Variants in CDH13 observed in about 807,000 individuals in gnomAD.
CDH13 encodes the protein cadherin 13.
A neutral mutation model predicts 63.8 loss-of-function variants in CDH13; 24 were observed. The observed-to-expected ratio is 0.38, with a 90% CI of 0.27 to 0.53. The LOEUF (loss-of-function observed/expected upper bound fraction) is 0.53. Ranked by LOEUF, CDH13 falls within the 20% of genes least tolerant of loss-of-function variation. CDH13 has a pLI of 0.85. For synonymous variants in CDH13, 503 were observed against 355.3 expected (o/e 1.42, Z -4.67); for missense variants, 1,049 against 903.1 (o/e 1.16, Z -2.07).
chr16:82,709,265 C>T (rs2031732119), intron 1 of CDH13, among the ~76,000 whole-genome samples: 1 of 152,152 alleles, frequency 6.6e-6, no homozygotes. Context: ...TATTTTAATC[C>T]CAGGAACCAA....
chr16:82,998,862 C>CTTTTTT lies in CDH13; in HGVS notation c.158-33136_158-33131dup, dbSNP rs200853526. On this transcript the variant is annotated intron_variant, in intron 2 of 13. Coordinates refer to ENST00000567109, the MANE Select transcript of CDH13 (RefSeq NM_001257.5). The stretch of plus-strand genomic sequence containing the variant: ...GCTGCCATGTAATTTCCCCTTGATC[C>CTTTTTT]TTTTTTTTTTTTTTTTTGCAGATAC... Among the ~76,000 whole-genome samples, 438 of 128,502 alleles carry CTTTTTT rather than the reference C, an allele frequency of 3.4e-3. 7 individuals carry two copies. Among genetic ancestry groups the CTTTTTT allele is most frequent in the Middle Eastern group, 0.016 (4 of 244 alleles). The allele number at this position is 128,502 out of a possible 152,430, so 84.3% of individuals were successfully genotyped here.
chr16:83,501,985 G>C (rs1436802401), intron 7 of CDH13, among the ~76,000 whole-genome samples: 1 of 152,172 alleles, frequency 6.6e-6, no homozygotes, highest in African/African-American at 2.4e-5. Flanking sequence ...CTGTGAATCT[G>C]AGCTCTGCAT....
intron 1 of CDH13, among the ~76,000 whole-genome samples, chr16:82,754,738 G>A (rs546426759): frequency 1.3e-5 from 2 of 152,244 alleles, no homozygotes; most frequent in East Asian, 3.9e-4. Context: ...AACTTGACAG[G>A]ACTTTGCTAT....
intron 4 of CDH13, among the ~76,000 whole-genome samples, chr16:83,207,345 G>A (rs1366267749): frequency 1.3e-5 from 2 of 152,190 alleles, no homozygotes; most frequent in Admixed American, 1.3e-4. Context: ...CTGTTCTTCT[G>A]TAACTGGCTT....
intron 1 of CDH13, among the ~76,000 whole-genome samples, chr16:82,746,532 T>C (rs1172549794): frequency 6.6e-6 from 1 of 152,080 alleles, no homozygotes; most frequent in Non-Finnish European, 1.5e-5. Flanking sequence ...ATCGGGTTAT[T>C]ACTTTAGCAG....
intron 2 of CDH13, among the ~76,000 whole-genome samples, chr16:82,974,591 A>G (rs1909234974): frequency 6.6e-6 from 1 of 152,114 alleles, no homozygotes; most frequent in Non-Finnish European, 1.5e-5. Flanking sequence ...ATGTAATTAG[A>G]TTAAAATTTT....
intron 7 of CDH13, among the ~76,000 whole-genome samples, chr16:83,533,339 A>G (rs1280700375): frequency 6.6e-6 from 1 of 152,198 alleles, no homozygotes; most frequent in Non-Finnish European, 1.5e-5. Context: ...AAATACTGAG[A>G]TGCCCAGAGG....
chr16:83,577,659 G>A (rs1905182797), intron 7 of CDH13, among the ~76,000 whole-genome samples: 1 of 152,208 alleles, frequency 6.6e-6, no homozygotes, highest in South Asian at 2.1e-4. Context: ...GGGCTGAGGA[G>A]GAGAAAGGGG....
chr16:83,738,619 G>T (rs9924556), intron 10 of CDH13, among the ~76,000 whole-genome samples: 4 of 152,018 alleles, frequency 2.6e-5, no homozygotes, highest in African/African-American at 4.8e-5. Context: ...GAATTAAAAG[G>T]GTTTTGGGCC....
intron 1 of CDH13, among the ~76,000 whole-genome samples, chr16:82,638,180 C>G (rs2150880814): frequency 6.6e-6 from 1 of 152,272 alleles, no homozygotes; most frequent in Admixed American, 6.5e-5. Context: ...ACGCTGCAAA[C>G]CTGGGAACCC....
intron 2 of CDH13, chr16:82,858,813 G>C: frequency 2.7e-6 from 1 of 367,772 alleles, no homozygotes; most frequent in Non-Finnish European, 4.9e-6. Flanking sequence ...CAAAATCATT[G>C]CCTTCTCGCA....
chr16:83,463,203 G>A (rs1356742737), intron 6 of CDH13, among the ~76,000 whole-genome samples: 1 of 152,202 alleles, frequency 6.6e-6, no homozygotes, highest in Non-Finnish European at 1.5e-5. Flanking sequence ...GAACAGCAGG[G>A]ACCAAGGCCC....
At chr16:83,100,846 C>G (rs751712074) in intron 3 of CDH13, among the ~76,000 whole-genome samples, 44 of 152,144 alleles carry the variant, frequency 2.9e-4, no homozygotes, top group Admixed American at 6.5e-5. Flanking sequence ...TCAGCCACTT[C>G]CTGCAGGGAC....
intron 5 of CDH13, among the ~76,000 whole-genome samples, chr16:83,296,069 C>G (rs145038356): frequency 4.6e-5 from 7 of 152,268 alleles, no homozygotes; most frequent in South Asian, 2.1e-4. Context: ...CTATAAGCTC[C>G]TATGTACAGA....
At chr16:83,002,798 G>A (rs534101014) in intron 2 of CDH13, among the ~76,000 whole-genome samples, 1 of 152,282 alleles carries the variant, frequency 6.6e-6, no homozygotes, top group Admixed American at 6.5e-5. Context: ...CTAGACAGAA[G>A]GGAATGAAAC....
chr16:83,643,734 G>A (rs1455977066), intron 8 of CDH13, among the ~76,000 whole-genome samples: 1 of 152,168 alleles, frequency 6.6e-6, no homozygotes, highest in Non-Finnish European at 1.5e-5. Flanking sequence ...CCATCACTCA[G>A]TCCAGGTTTC....
At chr16:83,010,001 G>A (rs771919438) in intron 2 of CDH13, among the ~76,000 whole-genome samples, 4 of 151,922 alleles carry the variant, frequency 2.6e-5, no homozygotes, top group South Asian at 2.1e-4. Context: ...TGGGCATGGC[G>A]GCACACGCCT....
chr16:82,671,857 A>G (rs1913283963), intron 1 of CDH13, among the ~76,000 whole-genome samples: 1 of 152,230 alleles, frequency 6.6e-6, no homozygotes, highest in Non-Finnish European at 1.5e-5. Flanking sequence ...TATGTCCAAG[A>G]ATAAAGAAAA....
intron 11 of CDH13, chr16:83,772,994 A>G (rs1914858474): frequency 6.6e-6 from 1 of 152,282 alleles, no homozygotes; most frequent in Admixed American, 6.5e-5. Flanking sequence ...GGGATGAGCT[A>G]ATGGAAAAGT....
Sources: allele counts gnomAD v4.1 joint callset (sites outside exome capture counted in the v4.1 genomes callset), GRCh38; gene constraint gnomAD v4.1.1; transcripts MANE v1.5; gene names NCBI Gene and HGNC (gene_info 2026-07-23, HGNC 2026-07-21).